PROK2: variants seen among roughly 807,000 people sequenced by gnomAD.
PROK2 encodes prokineticin 2, also known as prokineticin-2.
In PROK2, 8 loss-of-function variants were observed where a neutral mutation model predicts 14.2. The ratio of observed to expected loss-of-function variants is 0.56; its 90% CI spans 0.33 to 1.02. The LOEUF (loss-of-function observed/expected upper bound fraction) is 1.02. PROK2 is among the 50% of genes least tolerant of loss of function. The pLI is 0.03. For synonymous variants in PROK2, 59 were observed against 60.7 expected, an observed-to-expected ratio of 0.97 and a Z score of 0.13; for missense variants, 154 against 160.4, an observed-to-expected ratio of 0.96 and a Z score of 0.22.
chr3:71,783,110 GAA>G (rs2050172079), intron 1 of PROK2, among the ~76,000 whole-genome samples: 2 of 152,200 alleles, frequency 1.3e-5, no homozygotes, highest in Admixed American at 1.3e-4. Context: ...GATGTCAGGT[GAA>G]AGTTTTAGCC....
chr3:71,778,350 T>A (rs1414139528), intron 2 of PROK2, among the ~76,000 whole-genome samples: 1 of 152,174 alleles, frequency 6.6e-6, no homozygotes, highest in Non-Finnish European at 1.5e-5. Context: ...TTTTATTCTA[T>A]CTTAAAATTA....
intron 1 of PROK2, among the ~76,000 whole-genome samples, chr3:71,782,795 A>G (rs1022689973): frequency 4.6e-5 from 7 of 152,202 alleles, no homozygotes; most frequent in Non-Finnish European, 8.8e-5. Context: ...ATTAAAAGTA[A>G]CCAACTATTT....
At chr3:71,782,192 T>C (rs2050165805) in intron 1 of PROK2, among the ~76,000 whole-genome samples, 1 of 152,230 alleles carries the variant, frequency 6.6e-6, no homozygotes, top group African/African-American at 2.4e-5. Context: ...ATTTTCTCTT[T>C]AAAGAAGTCT....
intron 2 of PROK2, among the ~76,000 whole-genome samples, chr3:71,780,674 C>G (rs1465922860): frequency 1.3e-5 from 2 of 152,174 alleles, no homozygotes; most frequent in East Asian, 3.8e-4. Context: ...TGAGACCACA[C>G]TGTGTTTCAA....
chr3:71,776,919 G>A (rs2050124782), intron 2 of PROK2, among the ~76,000 whole-genome samples: 1 of 152,170 alleles, frequency 6.6e-6, no homozygotes, highest in Admixed American at 6.5e-5. Flanking sequence ...ATTCCAAACA[G>A]CAAATTCTAG....
chr3:71,774,599 C>T (rs759812446), intron 2 of PROK2, 92 bp from the exon 3 acceptor site: 25 of 1,461,934 alleles, frequency 1.7e-5, no homozygotes, highest in South Asian at 7.9e-5. Context: ...AGTGAACTGG[C>T]GGAGCAAGAT....
intron 1 of PROK2, 142 bp from the exon 2 acceptor site, chr3:71,781,734 T>A: frequency 1.1e-6 from 1 of 914,372 alleles, no homozygotes; most frequent in South Asian, 1.6e-5. Context: ...AATGATAACC[T>A]TCATTTACTT....
intron 3 of PROK2, 131 bp downstream of exon 3, chr3:71,774,314 G>A (rs1208499119): frequency 8.8e-6 from 13 of 1,484,884 alleles, no homozygotes; most frequent in Non-Finnish European, 1.1e-5. Context: ...TACAGATAGT[G>A]GCAGAACCAT....
chr3:71,780,222 G>A (rs140801999), intron 2 of PROK2, among the ~76,000 whole-genome samples: 178 of 152,338 alleles, frequency 1.2e-3, no homozygotes, highest in African/African-American at 4.1e-3. Flanking sequence ...GCAACCACAG[G>A]AAAGCCAAAA....
Position 71,781,715 on chromosome 3 carries a change from T to C in PROK2, c.97-123A>G, listed in dbSNP as rs910824096. ...ACACTTGGACTTTAATAATCAGGTATATTTTTTAAATGATAACCTTCATTT... is the reference window on the plus strand; with the variant it reads ...ACACTTGGACTTTAATAATCAGGTACATTTTTTAAATGATAACCTTCATTT... On this transcript the variant is annotated intron_variant, in intron 1 of 3. Coordinates refer to ENST00000295619, the MANE Select transcript of PROK2 (RefSeq NM_001126128.2). 9 of 1,049,026 alleles carry C rather than the reference T, an allele frequency of 8.6e-6. No homozygotes were observed. The African/African-American group carries it at 1.3e-4, about 15-fold the overall frequency. 65.0% of individuals were successfully genotyped at this position (1,049,026 alleles called of 1,614,324 possible).
At chr3:71,781,404 T>C in intron 2 of PROK2, 63 bp downstream of exon 2, 1 of 1,582,236 alleles carries the variant, frequency 6.3e-7, no homozygotes, top group Non-Finnish European at 8.7e-7. Context: ...CTTCATGTCA[T>C]ACAGACCCTG....
Position 71,772,818 on chromosome 3 carries a change from A to G in PROK2, c.296T>C (p.Phe99Ser), listed in dbSNP as rs138805187. 3.5e-5 allele frequency: 56 copies of G among 1,614,026 alleles called. No homozygotes were observed. The highest frequency in any genetic ancestry group is 2.7e-5 in the African/African-American group (2 of 74,940). The change falls in exon 4 of 4, where the codon TTT becomes TCT. Residue 99 changes from phenylalanine (F) to serine (S), a missense_variant. Coordinates refer to ENST00000295619, the MANE Select transcript of PROK2 (RefSeq NM_001126128.2). Reference protein sequence around the residue: ...RSKRKKEVPFFGRRMHHTCPC... With the variant: ...RSKRKKEVPFSGRRMHHTCPC... ...GCAAGTGTGATGCATCCTCCGCCCA[A>G]AAAATGGAACCTAAATAAAAAAGAA...
At position 71,778,310 on chromosome 3, in the gene PROK2, C is replaced by T. The variant is rs2050135467; in HGVS notation, c.222+3157G>A. Among the ~76,000 whole-genome samples, 2 of 152,088 alleles carry T rather than the reference C, an allele frequency of 1.3e-5. 1 individual carries two copies. The highest frequency in any genetic ancestry group is 4.1e-4 in the South Asian group (2 of 4,826). The stretch of plus-strand genomic sequence containing the variant: ...GTATTTAGAAAATATGCATACTATG[C>T]TTCCTAGGTGAACTCATATATCTCA... On this transcript the variant is annotated intron_variant, in intron 2 of 3. Transcript: ENST00000295619.
At chr3:71,781,436 C>G (rs1181450797) in intron 2 of PROK2, 31 bp downstream of exon 2, 3 of 1,612,160 alleles carry the variant, frequency 1.9e-6, no homozygotes, top group Non-Finnish European at 2.5e-6. Flanking sequence ...CACAGTAGAA[C>G]CACCATGAAT....
rs530966486 is a variant in PROK2, at chr3:71,775,498, A to G, written c.223-991T>C. 1.1e-4 allele frequency among the ~76,000 whole-genome samples: 16 copies of G among 152,316 alleles called. No homozygotes were observed. The South Asian group carries it at 3.1e-3, about 30-fold the overall frequency. On this transcript the variant is annotated intron_variant, in intron 2 of 3. Transcript: ENST00000295619. Reference sequence around the variant, plus strand: ...CTCTGGCCTGTCACATGGGGTGGGCAGTACCTTGGGCCCAGCAGAAAAGAA... The same window carrying G: ...CTCTGGCCTGTCACATGGGGTGGGCGGTACCTTGGGCCCAGCAGAAAAGAA...
In PROK2 at chr3:71,776,368, T is replaced by C. The variant is rs1472668874; in HGVS notation, c.223-1861A>G. The stretch of plus-strand genomic sequence containing the variant: ...CTTTTTTTCTTTTCGCTTTTCATTT[T>C]TTTTTTTTTTTTTTTTTTTTTTGAG... On this transcript the variant is annotated intron_variant, in intron 2 of 3. Coordinates refer to ENST00000295619, the MANE Select transcript of PROK2 (RefSeq NM_001126128.2). 1.6e-3 allele frequency among the ~76,000 whole-genome samples: 69 copies of C among 43,898 alleles called. 1 individual carries two copies. Among genetic ancestry groups the C allele is most frequent in the African/African-American group, 4.2e-3 (52 of 12,520 alleles). The allele number at this position is 43,898 out of a possible 152,430, so 28.8% of individuals were successfully genotyped here. A position where few individuals can be genotyped will look rare whatever the true frequency, so the allele number is the denominator to read the frequency against.
rs2050088952 is a variant in PROK2 at position 71,772,665 on chromosome 3, C to T, written c.*59G>A. The T allele has an allele frequency of 1.4e-6, 2 of 1,469,652 alleles. No individual in the cohort carries two copies. Among genetic ancestry groups the T allele is most frequent in the Non-Finnish European group, 1.9e-6 (2 of 1,048,946 alleles). The allele number at this position is 1,469,652 out of a possible 1,614,324, so 91.0% of individuals were successfully genotyped here. A position where few individuals can be genotyped will look rare whatever the true frequency, so the allele number is the denominator to read the frequency against. On this transcript the variant is annotated 3_prime_UTR_variant, in exon 4 of 4. Transcript: ENST00000295619. ...GCACATTTTTTGTTTGGCACAATCA[C>T]AAGTAAGACTTTACAGGTAAGATGT...
At chr3:71,784,437 C>T (rs1433102907) in intron 1 of PROK2, among the ~76,000 whole-genome samples, 2 of 152,168 alleles carry the variant, frequency 1.3e-5, no homozygotes, top group African/African-American at 4.8e-5. Flanking sequence ...AAAGCGCTCA[C>T]ATGGCCCTGG....
In PROK2 at chr3:71,772,201, C is replaced by G. The variant is rs2050084509; in HGVS notation, c.*523G>C. 1 of 159,298 alleles carries G rather than the reference C, an allele frequency of 6.3e-6. No homozygotes were observed. Among genetic ancestry groups the G allele is most frequent in the African/African-American group, 2.4e-5 (1 of 41,422 alleles). 9.9% of individuals were successfully genotyped at this position (159,298 alleles called of 1,614,324 possible). A position where few individuals can be genotyped will look rare whatever the true frequency, so the allele number is the denominator to read the frequency against. On this transcript the variant is annotated 3_prime_UTR_variant, in exon 4 of 4. Coordinates refer to ENST00000295619, the MANE Select transcript of PROK2 (RefSeq NM_001126128.2). ...GGATTCCCATCAGTGATTCTGCCAT[C>G]AAACTCAAAGAGACAAACCCTCCAC...
Sources: gnomAD v4.1 joint callset for allele counts (sites outside exome capture counted in the v4.1 genomes callset) on GRCh38, gnomAD v4.1.1 for gene constraint, MANE v1.5 for transcripts, NCBI Gene and HGNC (gene_info 2026-07-23, HGNC 2026-07-21) for gene names.